The following FBXO16 variants were observed in gnomAD, a reference collection of about 807,000 sequenced individuals.
The protein encoded by FBXO16 is F-box only protein 16.
Under a neutral mutation model 41.0 loss-of-function variants are expected in FBXO16, and 31 were observed. That is an observed-to-expected ratio of 0.76 (90% CI 0.57 to 1.02). The LOEUF (loss-of-function observed/expected upper bound fraction) is 1.02. Among genes scored for constraint, FBXO16 ranks in the 50% least tolerant of loss-of-function variants. The probability of loss-of-function intolerance (pLI) is 0.00; values close to 1 mark genes in which losing one functional copy is unlikely to be tolerated. For synonymous variants in FBXO16, 133 were observed against 117.8 expected (o/e 1.13, Z -0.84); for missense variants, 361 against 346.2 (o/e 1.04, Z -0.34).
chr8:28,444,993 C>A (rs1802841456), intron 7 of FBXO16, among the ~76,000 whole-genome samples: 1 of 151,870 alleles, frequency 6.6e-6, no homozygotes, highest in Non-Finnish European at 1.5e-5. Context: ...AAACTACCAT[C>A]CTGTGGAGAG....
At chr8:28,456,704 T>C in intron 5 of FBXO16, 62 bp downstream of exon 5, 2 of 1,567,502 alleles carry the variant, frequency 1.3e-6, no homozygotes, top group Non-Finnish European at 1.7e-6. Context: ...CCTTTATTCT[T>C]AGTTCTAGAA....
intron 7 of FBXO16, among the ~76,000 whole-genome samples, chr8:28,445,818 G>A (rs538545900): frequency 3.9e-5 from 6 of 152,112 alleles, no homozygotes; most frequent in Non-Finnish European, 7.4e-5. Context: ...GAGCTTTAAA[G>A]CAGAGCTATA....
chr8:28,488,101 T>G (rs1292735354), intron 1 of FBXO16, among the ~76,000 whole-genome samples: 2 of 152,080 alleles, frequency 1.3e-5, no homozygotes, highest in African/African-American at 4.8e-5. Flanking sequence ...TCCACCCACT[T>G]CGGCCTCCCA....
At chr8:28,436,620 A>G (rs1249323642) in intron 7 of FBXO16, among the ~76,000 whole-genome samples, 9 of 152,226 alleles carry the variant, frequency 5.9e-5, no homozygotes, top group Admixed American at 5.2e-4. Flanking sequence ...TTCAAAGGCC[A>G]TAAGGTCTGA....
At chr8:28,429,488 G>C in intron 7 of FBXO16, 85 bp from the exon 8 acceptor site, 2 of 1,506,914 alleles carry the variant, frequency 1.3e-6, no homozygotes, top group Non-Finnish European at 1.8e-6. Flanking sequence ...GAGAGAGTGA[G>C]GCACTCTTCA....
At chr8:28,464,253 A>C (rs1186678725) in intron 3 of FBXO16, among the ~76,000 whole-genome samples, 1 of 152,248 alleles carries the variant, frequency 6.6e-6, no homozygotes, top group East Asian at 1.9e-4. Context: ...TATTACAAGC[A>C]AATATCCCTC....
At chr8:28,479,730 T>C (rs1803481741) in intron 2 of FBXO16, among the ~76,000 whole-genome samples, 1 of 152,058 alleles carries the variant, frequency 6.6e-6, no homozygotes, top group South Asian at 2.1e-4. Flanking sequence ...TTCTTTCTTT[T>C]TTTAGAGACA....
At chr8:28,466,740 C>T (rs749648032) in intron 3 of FBXO16, among the ~76,000 whole-genome samples, 3 of 151,658 alleles carry the variant, frequency 2.0e-5, no homozygotes, top group Non-Finnish European at 2.9e-5. Context: ...AGGTGAGAGG[C>T]GAGAGAGGAA....
intron 1 of FBXO16, among the ~76,000 whole-genome samples, chr8:28,485,057 T>C (rs775452222): frequency 6.6e-6 from 1 of 152,084 alleles, no homozygotes; most frequent in Non-Finnish European, 1.5e-5. Context: ...GGCTTCTGCA[T>C]TTTCCACTCT....
intron 7 of FBXO16, among the ~76,000 whole-genome samples, chr8:28,442,473 T>G (rs1368895127): frequency 6.6e-6 from 1 of 152,164 alleles, no homozygotes; most frequent in East Asian, 1.9e-4. Context: ...AACCTCTGCT[T>G]CCTGGGTTCA....
At chr8:28,439,452 A>C (rs1423679868) in intron 7 of FBXO16, among the ~76,000 whole-genome samples, 1 of 152,008 alleles carries the variant, frequency 6.6e-6, no homozygotes, top group Admixed American at 6.6e-5. Context: ...TAAAATGAAC[A>C]CCCGGCCGTG....
At chr8:28,485,873 T>C (rs1323374283) in intron 1 of FBXO16, among the ~76,000 whole-genome samples, 3 of 152,150 alleles carry the variant, frequency 2.0e-5, no homozygotes, top group Admixed American at 6.5e-5. Context: ...TTTGGGAGGC[T>C]GAGGCAGGCG....
intron 3 of FBXO16, among the ~76,000 whole-genome samples, chr8:28,466,014 T>C (rs1000466359): frequency 2.0e-5 from 3 of 151,930 alleles, no homozygotes; most frequent in Admixed American, 2.0e-4. Context: ...CCGAGGCCGG[T>C]GGATTACGTG....
At chr8:28,430,402 C>T (rs950492836) in intron 7 of FBXO16, among the ~76,000 whole-genome samples, 1 of 152,114 alleles carries the variant, frequency 6.6e-6, no homozygotes, top group Non-Finnish European at 1.5e-5. Flanking sequence ...TTCATTGAAT[C>T]GACAGGTGTC....
At chr8:28,434,797 G>A (rs1031475175) in intron 7 of FBXO16, among the ~76,000 whole-genome samples, 2 of 151,004 alleles carry the variant, frequency 1.3e-5, no homozygotes, top group South Asian at 2.1e-4. Context: ...GAGTGAGTGC[G>A]GGACCCAGTC....
At chr8:28,447,350 T>A in intron 6 of FBXO16, 77 bp from the exon 7 acceptor site, 2 of 1,228,452 alleles carry the variant, frequency 1.6e-6, no homozygotes, top group Non-Finnish European at 2.3e-6. Flanking sequence ...TATTTGTCTG[T>A]TTGAGTTTGT....
chr8:28,472,624 C>G (rs1803355570), intron 3 of FBXO16, among the ~76,000 whole-genome samples: 1 of 152,114 alleles, frequency 6.6e-6, no homozygotes, highest in Non-Finnish European at 1.5e-5. Context: ...CACCTGTAAT[C>G]CCAGCTACTC....
intron 2 of FBXO16, among the ~76,000 whole-genome samples, chr8:28,478,070 T>G (rs1464276781): frequency 6.6e-6 from 1 of 152,204 alleles, no homozygotes; most frequent in African/African-American, 2.4e-5. Context: ...TGTGTGACTC[T>G]GCATTTGTAC....
At chr8:28,436,751 T>C (rs1802692993) in intron 7 of FBXO16, among the ~76,000 whole-genome samples, 1 of 152,138 alleles carries the variant, frequency 6.6e-6, no homozygotes, top group African/African-American at 2.4e-5. Context: ...ATATCTTATT[T>C]TATGTTATAT....
Sources: gnomAD v4.1 joint callset for allele counts (sites outside exome capture counted in the v4.1 genomes callset) on GRCh38, gnomAD v4.1.1 for gene constraint, MANE v1.5 for transcripts, NCBI Gene and HGNC (gene_info 2026-07-23, HGNC 2026-07-21) for gene names.